BMERB1: variants seen among roughly 807,000 people sequenced by gnomAD.
BMERB1 encodes bMERB domain containing 1.
Under a neutral mutation model 23.6 loss-of-function variants are expected in BMERB1, and 12 were observed. That is an observed-to-expected ratio of 0.51 (90% CI 0.33 to 0.82). The LOEUF is 0.82. Among genes scored for constraint, BMERB1 ranks in the 40% least tolerant of loss-of-function variants. The pLI, the probability that BMERB1 is intolerant of heterozygous loss-of-function variation, is 0.03. For missense variants in BMERB1, 247 were observed against 255.4 expected, an observed-to-expected ratio of 0.97 and a Z score of 0.22; for synonymous variants, 122 against 96.6, an observed-to-expected ratio of 1.26 and a Z score of -1.54.
At chr16:15,584,588 A>G (rs2031096494) in intron 5 of BMERB1, among the ~76,000 whole-genome samples, 1 of 151,962 alleles carries the variant, frequency 6.6e-6, no homozygotes, top group Non-Finnish European at 1.5e-5. Context: ...AAGAAAAGAA[A>G]TGGATGCCCA....
At chr16:15,444,127 T>A (rs1175580720) in intron 1 of BMERB1, among the ~76,000 whole-genome samples, 1 of 72,150 alleles carries the variant, frequency 1.4e-5, no homozygotes, top group Non-Finnish European at 3.1e-5. Context: ...AGCTTTGTTT[T>A]TTTTTTTTTT....
intron 2 of BMERB1, among the ~76,000 whole-genome samples, chr16:15,544,078 G>T (rs190617736): frequency 6.6e-6 from 1 of 152,268 alleles, no homozygotes; most frequent in East Asian, 1.9e-4. Context: ...TTAACTTGTA[G>T]ATTTCTGTCC....
At chr16:15,577,425 A>G (rs946431924) in intron 3 of BMERB1, among the ~76,000 whole-genome samples, 7 of 152,226 alleles carry the variant, frequency 4.6e-5, no homozygotes, top group African/African-American at 1.4e-4. Context: ...GTCTGAAGCA[A>G]CTTGATACTT....
At chr16:15,565,763 G>A (rs1469552517) in intron 2 of BMERB1, among the ~76,000 whole-genome samples, 1 of 152,204 alleles carries the variant, frequency 6.6e-6, no homozygotes, top group Non-Finnish European at 1.5e-5. Flanking sequence ...CAGAGGCTGA[G>A]GTGGGAAGAT....
At chr16:15,578,592 C>A (rs564182369) in intron 3 of BMERB1, among the ~76,000 whole-genome samples, 1 of 151,916 alleles carries the variant, frequency 6.6e-6, no homozygotes, top group Non-Finnish European at 1.5e-5. Flanking sequence ...TGCTCTAGAC[C>A]GGGGGCTTGT....
chr16:15,519,702 C>T (rs1279848836), intron 2 of BMERB1, among the ~76,000 whole-genome samples: 1 of 152,120 alleles, frequency 6.6e-6, no homozygotes, highest in Non-Finnish European at 1.5e-5. Context: ...CTCTTTTAAG[C>T]ATGAGTCCGG....
Position 15,470,568 on chromosome 16 carries a change from A to C in BMERB1, c.106+35809A>C, listed in dbSNP as rs543847575. On this transcript the variant is annotated intron_variant, in intron 1 of 5. Coordinates refer to ENST00000300006, the MANE Select transcript of BMERB1 (RefSeq NM_033201.3). ...TTTAGACAGAGTCTTTCTCTGTCGC[A>C]AGGCTGGAGTGCAGTGGCGCGATCT... is the stretch of plus-strand genomic sequence containing the variant. Among the ~76,000 whole-genome samples the C allele has an allele frequency of 3.3e-5, 5 of 150,874 alleles. No homozygotes were observed. In the East Asian group the frequency reaches 9.7e-4, roughly 29 times the overall value.
chr16:15,519,417 G>A (rs2051821969), intron 2 of BMERB1, among the ~76,000 whole-genome samples: 1 of 152,126 alleles, frequency 6.6e-6, no homozygotes, highest in Non-Finnish European at 1.5e-5. Flanking sequence ...TTGTGACAGA[G>A]TCTCGCTCTG....
intron 1 of BMERB1, among the ~76,000 whole-genome samples, chr16:15,497,478 AG>A (rs2051484173): frequency 1.3e-5 from 2 of 152,318 alleles, no homozygotes; most frequent in South Asian, 2.1e-4. Context: ...AAGACCAGAA[AG>A]GTCAATTTCT....
chr16:15,435,939 C>T (rs948021482), intron 1 of BMERB1, among the ~76,000 whole-genome samples: 11 of 151,692 alleles, frequency 7.3e-5, no homozygotes, highest in Admixed American at 1.3e-4. Context: ...TTTTTTTCTC[C>T]CTTTTTAACC....
At chr16:15,494,875 ATCT>A (rs2051458672) in intron 1 of BMERB1, among the ~76,000 whole-genome samples, 1 of 118,854 alleles carries the variant, frequency 8.4e-6, no homozygotes, top group African/African-American at 3.2e-5. Flanking sequence ...CCTTTTTTTT[ATCT>A]TTTTTTTTTT....
intron 1 of BMERB1, among the ~76,000 whole-genome samples, chr16:15,485,990 C>T (rs931432929): frequency 8.4e-4 from 128 of 152,022 alleles, no homozygotes; most frequent in African/African-American, 2.9e-3. Context: ...GCCTGTAATC[C>T]TAGCACTTTG....
rs1038274710 is a variant in BMERB1 at position 15,542,626 on chromosome 16, T to G, written c.231-25357T>G. ...ACTAGTGGCTTAATGAATTACCTCCTAGGGATTTTTTTTTTTTTTTTTTTT... is the reference window on the plus strand; with the variant it reads ...ACTAGTGGCTTAATGAATTACCTCCGAGGGATTTTTTTTTTTTTTTTTTTT... On this transcript the variant is annotated intron_variant, in intron 2 of 5. Coordinates refer to ENST00000300006, the MANE Select transcript of BMERB1 (RefSeq NM_033201.3). Among the ~76,000 whole-genome samples the G allele has an allele frequency of 3.4e-5, 5 of 145,950 alleles. 1 individual carries two copies. Among genetic ancestry groups the G allele is most frequent in the East Asian group, 3.9e-4 (2 of 5,074 alleles).
chr16:15,443,564 A>G (rs1212127008), intron 1 of BMERB1, among the ~76,000 whole-genome samples: 2 of 152,034 alleles, frequency 1.3e-5, no homozygotes, highest in Non-Finnish European at 2.9e-5. Flanking sequence ...AAACAAAAAC[A>G]AAAACAAAAA....
chr16:15,553,844 G>A (rs1253981689), intron 2 of BMERB1, among the ~76,000 whole-genome samples: 6 of 152,152 alleles, frequency 3.9e-5, no homozygotes, highest in Non-Finnish European at 8.8e-5. Context: ...GTCAAAGGGA[G>A]AGTGCACTCT....
At chr16:15,449,432 G>A (rs2051021074) in intron 1 of BMERB1, among the ~76,000 whole-genome samples, 1 of 152,128 alleles carries the variant, frequency 6.6e-6, no homozygotes, top group African/African-American at 2.4e-5. Flanking sequence ...TCATTATCTG[G>A]CTGATGGTTT....
At chr16:15,544,271 T>C (rs2052111900) in intron 2 of BMERB1, among the ~76,000 whole-genome samples, 1 of 152,248 alleles carries the variant, frequency 6.6e-6, no homozygotes, top group Admixed American at 6.5e-5. Context: ...ATGGGTTAAA[T>C]AAATTTTTTG....
chr16:15,435,009 C>T (rs924264998), intron 1 of BMERB1, among the ~76,000 whole-genome samples: 6 of 152,252 alleles, frequency 3.9e-5, no homozygotes, highest in Admixed American at 2.0e-4. Flanking sequence ...AGGCAGGAGC[C>T]TGGGCTCGAC....
Position 15,434,677 on chromosome 16 carries a change from C to T in BMERB1, c.24C>T (p.Ser8=). The T allele has an allele frequency of 6.2e-6, 10 of 1,613,958 alleles. No homozygotes were observed. The highest frequency in any genetic ancestry group is 8.5e-6 in the Non-Finnish European group (10 of 1,179,908). The change falls in exon 1 of 6, where the codon TCC becomes TCT. Residue 8 remains serine, a synonymous_variant. Coordinates refer to ENST00000300006, the MANE Select transcript of BMERB1 (RefSeq NM_033201.3). MELKQSL[S]THLEAEKPLR... ...CGATGGAATTAAAGCAATCTTTGTCCACCCATCTGGAAGCCGAGAAGCCTC... is the reference window on the plus strand; with the variant it reads ...CGATGGAATTAAAGCAATCTTTGTCTACCCATCTGGAAGCCGAGAAGCCTC...
Sources: allele counts gnomAD v4.1 joint callset (sites outside exome capture counted in the v4.1 genomes callset), GRCh38; gene constraint gnomAD v4.1.1; transcripts MANE v1.5; gene names NCBI Gene and HGNC (gene_info 2026-07-23, HGNC 2026-07-21).